LSS: variants seen among roughly 807,000 people sequenced by gnomAD.
LSS encodes lanosterol synthase, also known as 2,3-epoxysqualene-lanosterol cyclase.
Under a neutral mutation model 110.3 loss-of-function variants are expected in LSS, and 90 were observed. The ratio of observed to expected loss-of-function variants is 0.82; its 90% CI spans 0.69 to 0.97. The LOEUF is 0.97. Ranked by LOEUF, LSS falls within the 50% of genes least tolerant of loss-of-function variation. The pLI, the probability that LSS is intolerant of heterozygous loss-of-function variation, is 0.00. For missense variants in LSS, 927 were observed against 990.0 expected, an observed-to-expected ratio of 0.94 and a Z score of 0.85; for synonymous variants, 433 against 400.0, an observed-to-expected ratio of 1.08 and a Z score of -0.98.
At position 46,195,690 on chromosome 21, in the gene LSS, C is replaced by G; in HGVS notation, c.1803G>C (p.Gln601His). The change falls in exon 19 of 22, where the codon CAG becomes CAC. Residue 601 changes from glutamine to histidine, a missense_variant. Physicochemically the swap from Gln to His is conservative, Grantham distance 24. Coordinates refer to ENST00000397728, the MANE Select transcript of LSS (RefSeq NM_002340.6). ...FGLEAFACMG[Q>H]TYRDGTACAE... ...CACTCACTCACCCATCTCGGTAGGTCTGCCCCATACAGGCGAAGGCCTCCA... is the reference window on the plus strand; with the variant it reads ...CACTCACTCACCCATCTCGGTAGGTGTGCCCCATACAGGCGAAGGCCTCCA... 1 of 1,613,768 alleles carries G rather than the reference C, an allele frequency of 6.2e-7. No individual in the cohort carries two copies. The highest frequency in any genetic ancestry group is 1.1e-5 in the South Asian group (1 of 91,076).
rs2079760723 is a variant in LSS, at chr21:46,188,499, G to C, written c.*2605C>G. ...GAGGCAAATATCCCCCTCAGACAGAGGCTGCACCGGTACAGCTGCCATCTC... is the reference window on the plus strand; with the variant it reads ...GAGGCAAATATCCCCCTCAGACAGACGCTGCACCGGTACAGCTGCCATCTC... On this transcript the variant is annotated 3_prime_UTR_variant, in exon 22 of 22. Coordinates refer to ENST00000397728, the MANE Select transcript of LSS (RefSeq NM_002340.6). The C allele has an allele frequency of 2.6e-6, 1 of 378,726 alleles. No homozygotes were observed. Among genetic ancestry groups the C allele is most frequent in the African/African-American group, 2.1e-5 (1 of 46,696 alleles). 23.5% of individuals were successfully genotyped at this position (378,726 alleles called of 1,614,324 possible).
At position 46,227,891 on chromosome 21, in the gene LSS, G is replaced by A. The variant is rs1290001671; in HGVS notation, c.181-201C>T. ...AGTAAAAGAACAGCTGCACATTTTC[G>A]TTGCTTTATTTGCCAGTCATGTATT... On this transcript the variant is annotated intron_variant, in intron 2 of 21. Transcript: ENST00000397728. Among the ~76,000 whole-genome samples, 3 of 152,174 alleles carry A rather than the reference G, an allele frequency of 2.0e-5. No homozygotes were observed. In the East Asian group the frequency reaches 5.8e-4, roughly 29 times the overall value.
At chr21:46,224,021 C>T (rs1377980762) in intron 3 of LSS, among the ~76,000 whole-genome samples, 2 of 152,170 alleles carry the variant, frequency 1.3e-5, no homozygotes, top group Non-Finnish European at 2.9e-5. Flanking sequence ...CGCAGTTATC[C>T]GGAGGCCTGT....
chr21:46,212,080 G>A (rs1460484115), intron 11 of LSS, among the ~76,000 whole-genome samples: 1 of 152,126 alleles, frequency 6.6e-6, no homozygotes, highest in Non-Finnish European at 1.5e-5. Flanking sequence ...GGGACAGGGA[G>A]GGGCAGGGAG....
In LSS at chr21:46,210,706, G is replaced by A. The variant is rs149540837; in HGVS notation, c.1176C>T (p.Ala392=). 1.9e-6 allele frequency: 3 copies of A among 1,613,954 alleles called. No homozygotes were observed. Among genetic ancestry groups the A allele is most frequent in the African/African-American group, 2.7e-5 (2 of 74,942 alleles). ...CACGAACCTCAAGCAGAGCCTGGAT[G>A]GCGAATGCGGTGTCCCAGATCTGTG... ...NGSQIWDTAF[A]IQALLEAGGH... is the part of the protein sequence containing the mutation. The change falls in exon 12 of 22, where the codon GCC becomes GCT. Residue 392 remains alanine, a synonymous_variant. Coordinates refer to ENST00000397728, the MANE Select transcript of LSS (RefSeq NM_002340.6).
chr21:46,210,781 G>A, intron 11 of LSS, 37 bp from the exon 12 acceptor site: 1 of 1,602,296 alleles, frequency 6.2e-7, no homozygotes, highest in Non-Finnish European at 8.5e-7. Flanking sequence ...AGCAGATGCA[G>A]CCCCTCCCAC....
intron 2 of LSS, among the ~76,000 whole-genome samples, chr21:46,227,946 A>C (rs777605310): frequency 2.6e-5 from 4 of 152,254 alleles, no homozygotes; most frequent in African/African-American, 4.8e-5. Flanking sequence ...TGTCTGGAAT[A>C]AACCAGGCAC....
At chr21:46,219,385 T>A in intron 6 of LSS, 91 bp downstream of exon 6, 5 of 801,846 alleles carry the variant, frequency 6.2e-6, no homozygotes, top group African/African-American at 1.8e-5. Context: ...CCCTCTCTGC[T>A]GTCACAGCCT....
intron 20 of LSS, among the ~76,000 whole-genome samples, chr21:46,193,981 T>C (rs1186071544): frequency 6.6e-6 from 1 of 152,164 alleles, no homozygotes; most frequent in Non-Finnish European, 1.5e-5. Context: ...CGTACGTGTG[T>C]GCATAGGCCT....
chr21:46,222,028 A>G (rs1226246298), intron 4 of LSS, 53 bp from the exon 5 acceptor site: 1 of 1,595,530 alleles, frequency 6.3e-7, no homozygotes, highest in South Asian at 1.1e-5. Context: ...ACTTCTAAGA[A>G]ATAAAGCAAA....
chr21:46,222,857 C>G (rs949277228), intron 3 of LSS, 119 bp from the exon 4 acceptor site: 2 of 737,256 alleles, frequency 2.7e-6, no homozygotes, highest in African/African-American at 3.5e-5. Context: ...CATAAAAACA[C>G]CCCCTGGAAA....
At chr21:46,205,304 AGAGCAGG>A in intron 17 of LSS, among the ~76,000 whole-genome samples, 1 of 152,100 alleles carries the variant, frequency 6.6e-6, no homozygotes, top group Non-Finnish European at 1.5e-5. Context: ...GGAGAGCAGG[AGAGCAGG>A]AGAAGGCAAC....
chr21:46,191,300 T>C (rs1246424988), intron 21 of LSS, 65 bp from the exon 22 acceptor site: 2 of 1,585,472 alleles, frequency 1.3e-6, no homozygotes, highest in Admixed American at 3.4e-5. Flanking sequence ...GTCCCTGAAC[T>C]GGAGCCCTGG....
chr21:46,227,818 T>G (rs376125916), intron 2 of LSS, 128 bp from the exon 3 acceptor site: 14 of 1,115,408 alleles, frequency 1.3e-5, no homozygotes, highest in African/African-American at 1.1e-4. Context: ...TTCAGCTGTT[T>G]CCATCAAAAG....
intron 15 of LSS, 148 bp from the exon 16 acceptor site, chr21:46,206,916 C>A: frequency 1.5e-6 from 1 of 667,516 alleles, no homozygotes; most frequent in Non-Finnish European, 2.7e-6. Context: ...CCACGTTAAC[C>A]AAGCCCTCGG....
At chr21:46,221,523 A>G (rs886456763) in intron 5 of LSS, among the ~76,000 whole-genome samples, 9 of 152,064 alleles carry the variant, frequency 5.9e-5, no homozygotes, top group Admixed American at 2.0e-4. Flanking sequence ...CACCTGGCTA[A>G]TATTTTATTG....
Position 46,227,681 on chromosome 21 carries a change from A to G in LSS, c.190T>C (p.Phe64Leu). 6.2e-7 allele frequency: 1 copy of G among 1,611,718 alleles called. No homozygotes were observed. Among genetic ancestry groups the G allele is most frequent in the Non-Finnish European group, 8.5e-7 (1 of 1,179,582 alleles). ...GTGTGGGCTTTGGGCAAGTCCTTAA[A>G]GTAATTCTTCTGCAAAGAGATCGAA... is the stretch of plus-strand genomic sequence containing the variant. ...YALGLDTKNY[F>L]KDLPKAHTAF... The change falls in exon 3 of 22, where the codon TTT (phenylalanine) becomes CTT (leucine). Residue 64 changes from phenylalanine to leucine, a missense_variant. By Grantham distance (22) the Phe-to-Leu change is conservative. Transcript: ENST00000397728.
chr21:46,199,315 G>C (rs1417954096), intron 17 of LSS, among the ~76,000 whole-genome samples: 1 of 152,196 alleles, frequency 6.6e-6, no homozygotes, highest in Admixed American at 6.5e-5. Flanking sequence ...ATTGAAACAA[G>C]GAGATACCAC....
At chr21:46,207,078 G>A (rs1176939440) in intron 15 of LSS, among the ~76,000 whole-genome samples, 4 of 152,226 alleles carry the variant, frequency 2.6e-5, no homozygotes, top group African/African-American at 9.6e-5. Flanking sequence ...ACAAAAGCCA[G>A]ATGTGCTGAA....
Sources: gnomAD v4.1 joint callset for allele counts (sites outside exome capture counted in the v4.1 genomes callset) on GRCh38, gnomAD v4.1.1 for gene constraint, MANE v1.5 for transcripts, NCBI Gene and HGNC (gene_info 2026-07-23, HGNC 2026-07-21) for gene names.